FGF12: variants seen among roughly 807,000 people sequenced by gnomAD.
FGF12 encodes fibroblast growth factor 12B.
In FGF12, 14 loss-of-function variants were observed where a neutral mutation model predicts 23.6. That is an observed-to-expected ratio of 0.59 (90% CI 0.39 to 0.93). FGF12 has a LOEUF of 0.93. Ranked by LOEUF, FGF12 falls within the 40% of genes least tolerant of loss-of-function variation. The pLI is 0.00. For missense variants in FGF12, 175 were observed against 217.8 expected, an observed-to-expected ratio of 0.80 and a Z score of 1.24; for synonymous variants, 62 against 77.3, an observed-to-expected ratio of 0.80 and a Z score of 1.04.
intron 4 of FGF12, among the ~76,000 whole-genome samples, chr3:192,194,042 T>C (rs1716936356): frequency 6.6e-6 from 1 of 152,238 alleles, no homozygotes; most frequent in Non-Finnish European, 1.5e-5. Context: ...TACAGCCCTG[T>C]ATTTCTGGTC....
chr3:192,278,778 C>A (rs1182699750), intron 4 of FGF12, among the ~76,000 whole-genome samples: 2 of 152,134 alleles, frequency 1.3e-5, no homozygotes. Context: ...AGGGAAGTCT[C>A]TAAAAAACCC....
chr3:192,689,656 T>C (rs1176768360), intron 2 of FGF12, among the ~76,000 whole-genome samples: 2 of 152,010 alleles, frequency 1.3e-5, no homozygotes, highest in African/African-American at 4.8e-5. Flanking sequence ...GAAAATTTTA[T>C]GTGATATATA....
chr3:192,588,360 A>AG (rs72114903), intron 2 of FGF12, among the ~76,000 whole-genome samples: 11,235 of 142,324 alleles, frequency 0.079, 597 homozygotes, highest in Non-Finnish European at 0.092. Context: ...AAAAAAAAAA[A>AG]AAAAAAAGAA....
At chr3:192,716,954 G>A (rs934236527) in intron 2 of FGF12, among the ~76,000 whole-genome samples, 2 of 152,126 alleles carry the variant, frequency 1.3e-5, no homozygotes, top group Non-Finnish European at 2.9e-5. Context: ...GCAACCCAAT[G>A]CTTAATTAAG....
chr3:192,458,428 A>G (rs1722749763), intron 2 of FGF12, among the ~76,000 whole-genome samples: 1 of 152,180 alleles, frequency 6.6e-6, no homozygotes, highest in Non-Finnish European at 1.5e-5. Context: ...GACCATGGAA[A>G]CCCACCTCTT....
intron 2 of FGF12, among the ~76,000 whole-genome samples, chr3:192,528,892 A>G (rs908631393): frequency 1.3e-5 from 2 of 152,148 alleles, no homozygotes; most frequent in African/African-American, 2.4e-5. Context: ...TAGGCTGCAC[A>G]TAGCATGGGG....
At chr3:192,278,041 G>T (rs150281004) in intron 4 of FGF12, among the ~76,000 whole-genome samples, 1 of 152,224 alleles carries the variant, frequency 6.6e-6, no homozygotes, top group African/African-American at 2.4e-5. Context: ...GATTACAGGT[G>T]TGAGACACCG....
intron 2 of FGF12, among the ~76,000 whole-genome samples, chr3:192,640,533 G>T (rs1339408199): frequency 2.0e-5 from 3 of 152,154 alleles, no homozygotes; most frequent in African/African-American, 7.2e-5. Flanking sequence ...CTGCTAAGAG[G>T]TCATAGAATG....
intron 4 of FGF12, among the ~76,000 whole-genome samples, chr3:192,323,388 G>C (rs1231255326): frequency 1.3e-5 from 2 of 152,194 alleles, no homozygotes; most frequent in Non-Finnish European, 2.9e-5. Flanking sequence ...CCACAGAAAA[G>C]AATGAGATCC....
chr3:192,526,925 T>C (rs1019300009), intron 2 of FGF12, among the ~76,000 whole-genome samples: 4 of 152,014 alleles, frequency 2.6e-5, no homozygotes, highest in Non-Finnish European at 5.9e-5. Flanking sequence ...ATGATAAAAA[T>C]AAAGGAAGTC....
intron 4 of FGF12, among the ~76,000 whole-genome samples, chr3:192,285,233 C>T (rs1287493845): frequency 3.3e-5 from 5 of 151,990 alleles, no homozygotes; most frequent in Admixed American, 6.6e-5. Context: ...GAATTATTAT[C>T]TCCATTTTAC....
Position 192,727,293 on chromosome 3 carries a change from G to A in FGF12, c.-100C>T, listed in dbSNP as rs1428906679. On this transcript the variant is annotated 5_prime_UTR_variant, in exon 2 of 6. Transcript: ENST00000445105. ...TCTGGGAAGCCAATCTGATGATTTCGCCCGTACTTCCTTCCTTCCCCTCAG... is the reference window on the plus strand; with the variant it reads ...TCTGGGAAGCCAATCTGATGATTTCACCCGTACTTCCTTCCTTCCCCTCAG... 3.2e-6 allele frequency: 5 copies of A among 1,551,958 alleles called. No homozygotes were observed. In the South Asian group the frequency reaches 4.8e-5, roughly 15 times the overall value.
chr3:192,373,061 C>CCGCCA (rs750630052), intron 2 of FGF12, among the ~76,000 whole-genome samples: 20 of 152,216 alleles, frequency 1.3e-4, no homozygotes, highest in South Asian at 4.1e-4. Flanking sequence ...CCTAAATCTG[C>CCGCCA]CGCCACGTTT....
At chr3:192,414,261 T>C (rs1428965226) in intron 2 of FGF12, among the ~76,000 whole-genome samples, 1 of 152,204 alleles carries the variant, frequency 6.6e-6, no homozygotes, top group Non-Finnish European at 1.5e-5. Flanking sequence ...CATTGAATCC[T>C]TACAACAACT....
intron 2 of FGF12, among the ~76,000 whole-genome samples, chr3:192,531,323 C>T (rs183395401): frequency 6.8e-4 from 104 of 152,278 alleles, no homozygotes; most frequent in African/African-American, 2.2e-3. Flanking sequence ...GAGTTCAAGT[C>T]CCAGCTGTGT....
At chr3:192,532,796 T>G (rs1725124453) in intron 2 of FGF12, among the ~76,000 whole-genome samples, 1 of 152,200 alleles carries the variant, frequency 6.6e-6, no homozygotes, top group South Asian at 2.1e-4. Context: ...AATAAATCAC[T>G]ATTTCTTATG....
At chr3:192,602,622 A>T (rs1263104539) in intron 2 of FGF12, among the ~76,000 whole-genome samples, 1 of 151,984 alleles carries the variant, frequency 6.6e-6, no homozygotes, top group Non-Finnish European at 1.5e-5. Flanking sequence ...TTCAATAGAT[A>T]CTTGTTAAGG....
At chr3:192,460,045 G>A (rs928602706) in intron 2 of FGF12, among the ~76,000 whole-genome samples, 2 of 152,102 alleles carry the variant, frequency 1.3e-5, no homozygotes, top group African/African-American at 2.4e-5. Context: ...GTACATTTAC[G>A]ATATGGGGAT....
chr3:192,624,797 A>C (rs1715104056), intron 2 of FGF12, among the ~76,000 whole-genome samples: 1 of 152,174 alleles, frequency 6.6e-6, no homozygotes, highest in South Asian at 2.1e-4. Flanking sequence ...ATAGTTTAAA[A>C]ACCGAAAGTG....
Sources: gnomAD v4.1 joint callset for allele counts (sites outside exome capture counted in the v4.1 genomes callset) on GRCh38, gnomAD v4.1.1 for gene constraint, MANE v1.5 for transcripts, NCBI Gene and HGNC (gene_info 2026-07-23, HGNC 2026-07-21) for gene names.